Variants in ARL6IP6 observed in about 807,000 individuals in gnomAD.
ARL6IP6 encodes the protein ADP-ribosylation factor-like protein 6-interacting protein 6.
ARL6IP6 carries 22 observed loss-of-function variants against 21.5 expected under a neutral mutation model. The ratio of observed to expected loss-of-function variants is 1.02; its 90% confidence interval spans 0.73 to 1.46. The LOEUF (loss-of-function observed/expected upper bound fraction) is 1.46. ARL6IP6 is among the 40% of genes most tolerant of loss of function. The pLI is 0.00. For synonymous variants in ARL6IP6, 164 were observed against 125.3 expected, an observed-to-expected ratio of 1.31 and a Z score of -2.06; for missense variants, 388 against 299.8, an observed-to-expected ratio of 1.29 and a Z score of -2.17.
At chr2:152,738,196 G>T (rs1227127528) in intron 3 of ARL6IP6, among the ~76,000 whole-genome samples, 4 of 152,222 alleles carry the variant, frequency 2.6e-5, no homozygotes, top group African/African-American at 4.8e-5. Flanking sequence ...GATGAAAGAG[G>T]TGGGTTTCCA....
chr2:152,742,508 C>T (rs970175768), intron 3 of ARL6IP6, among the ~76,000 whole-genome samples: 16 of 147,138 alleles, frequency 1.1e-4, no homozygotes, highest in South Asian at 2.1e-4. Context: ...TTGAAGGCTG[C>T]AGTGAGCTAT....
At chr2:152,729,466 G>A (rs1700200677) in intron 2 of ARL6IP6, among the ~76,000 whole-genome samples, 1 of 152,180 alleles carries the variant, frequency 6.6e-6, no homozygotes, top group Admixed American at 6.5e-5. Flanking sequence ...ACCTTTGGTA[G>A]CAGTTATTCT....
At chr2:152,755,866 G>C (rs1027685923) in intron 3 of ARL6IP6, among the ~76,000 whole-genome samples, 2 of 152,226 alleles carry the variant, frequency 1.3e-5, no homozygotes, top group Non-Finnish European at 2.9e-5. Flanking sequence ...CACCGACCCT[G>C]TGGGGCTGGA....
chr2:152,749,000 G>T (rs1701188109), intron 3 of ARL6IP6, among the ~76,000 whole-genome samples: 1 of 152,112 alleles, frequency 6.6e-6, no homozygotes, highest in South Asian at 2.1e-4. Flanking sequence ...TTTGGAAGTT[G>T]CTTATTCAGT....
chr2:152,728,695 C>T (rs1283859493), intron 2 of ARL6IP6, among the ~76,000 whole-genome samples: 2 of 152,110 alleles, frequency 1.3e-5, no homozygotes, highest in African/African-American at 4.8e-5. Context: ...TAGGAAATTC[C>T]TACCCATCCC....
chr2:152,749,344 C>T (rs898741404), intron 3 of ARL6IP6, among the ~76,000 whole-genome samples: 1 of 151,910 alleles, frequency 6.6e-6, no homozygotes, highest in Non-Finnish European at 1.5e-5. Context: ...CACGCACGCA[C>T]GCGAGAGAGA....
At chr2:152,726,092 A>G (rs552290445) in intron 2 of ARL6IP6, among the ~76,000 whole-genome samples, 8 of 152,226 alleles carry the variant, frequency 5.3e-5, no homozygotes, top group African/African-American at 1.9e-4. Context: ...TGAGTTTTAT[A>G]TACTTCTCTC....
chr2:152,724,103 T>C lies in ARL6IP6; in HGVS notation c.454+3517T>C, dbSNP rs188403518. On this transcript the variant is annotated intron_variant, in intron 2 of 3. Transcript: ENST00000326446. ...TTTGTATTATTCAAGAAATGATGAC[T>C]AAGGCCAAAAAAAAAAAAAAAAAAG... is the stretch of plus-strand genomic sequence containing the variant. Among the ~76,000 whole-genome samples the C allele has an allele frequency of 8.2e-4, 81 of 98,526 alleles. 1 individual carries two copies. The East Asian group carries it at 0.017, about 21-fold the overall frequency. The allele number at this position is 98,526 out of a possible 152,430, so 64.6% of individuals were successfully genotyped here.
At chr2:152,756,627 T>C (rs961736487) in intron 3 of ARL6IP6, among the ~76,000 whole-genome samples, 11 of 151,684 alleles carry the variant, frequency 7.3e-5, no homozygotes, top group African/African-American at 2.7e-4. Flanking sequence ...TAGAAAAAAA[T>C]GAGAAAAAGT....
At chr2:152,749,931 A>G (rs1015400206) in intron 3 of ARL6IP6, among the ~76,000 whole-genome samples, 1 of 152,186 alleles carries the variant, frequency 6.6e-6, no homozygotes, top group African/African-American at 2.4e-5. Context: ...TTATTCTTTC[A>G]TATGGTCAAA....
intron 3 of ARL6IP6, among the ~76,000 whole-genome samples, chr2:152,750,486 AAAAG>A (rs1360834453): frequency 3.3e-5 from 5 of 151,554 alleles, no homozygotes; most frequent in South Asian, 2.1e-4. Context: ...AAAAAAAAAA[AAAAG>A]AGAGAGAGAG....
At chr2:152,724,538 G>C (rs1192287089) in intron 2 of ARL6IP6, among the ~76,000 whole-genome samples, 1 of 152,198 alleles carries the variant, frequency 6.6e-6, no homozygotes, top group African/African-American at 2.4e-5. Context: ...TAAATTATTA[G>C]TCATGAAATT....
intron 2 of ARL6IP6, among the ~76,000 whole-genome samples, chr2:152,732,771 A>G (rs1324454564): frequency 1.3e-5 from 2 of 152,134 alleles, no homozygotes; most frequent in Non-Finnish European, 2.9e-5. Context: ...GTATTTGTAT[A>G]TGACCTATGC....
rs1433129895 is a variant in ARL6IP6 at position 152,762,241 on chromosome 2, G to A, written c.*2401G>A. 6.6e-6 allele frequency among the ~76,000 whole-genome samples: 1 copy of A among 152,186 alleles called. No individual in the cohort carries two copies. Among genetic ancestry groups the A allele is most frequent in the Non-Finnish European group, 1.5e-5 (1 of 68,040 alleles). ...CTGGGAAAATGCAAGCCCAGGAAAT[G>A]CTGGCAGCTGTAGTTCAGCCAGGCT... is the stretch of plus-strand genomic sequence containing the variant. On this transcript the variant is annotated 3_prime_UTR_variant, in exon 4 of 4. Coordinates refer to ENST00000326446, the MANE Select transcript of ARL6IP6 (RefSeq NM_152522.7).
rs571047594 is a variant in ARL6IP6, at chr2:152,740,885, C to G, written c.587+5759C>G. ...GTTGTTTTATAGTCAAAACCCTGCCCTCTAGTGTTTATGGAAAATATGCCG... is the reference window on the plus strand; with the variant it reads ...GTTGTTTTATAGTCAAAACCCTGCCGTCTAGTGTTTATGGAAAATATGCCG... On this transcript the variant is annotated intron_variant, in intron 3 of 3. Coordinates refer to ENST00000326446, the MANE Select transcript of ARL6IP6 (RefSeq NM_152522.7). Among the ~76,000 whole-genome samples the G allele has an allele frequency of 2.6e-5, 4 of 152,122 alleles. No individual in the cohort carries two copies. In the East Asian group the frequency reaches 7.7e-4, roughly 29 times the overall value.
At chr2:152,720,692 A>G (rs750214891) in intron 2 of ARL6IP6, 106 bp downstream of exon 2, 71 of 984,578 alleles carry the variant, frequency 7.2e-5, no homozygotes, top group Non-Finnish European at 1.0e-4. Flanking sequence ...TTCTATGTGC[A>G]GTCATTCAGT....
rs368813573 is a variant in ARL6IP6, at chr2:152,755,912, C to T, written c.588-3835C>T. On this transcript the variant is annotated intron_variant, in intron 3 of 3. Transcript: ENST00000326446. ...GTATATCTTTGGATAATTGTTTATTCAAATCCTTTGCCCTTTTAAAAATTT... is the reference window on the plus strand; with the variant it reads ...GTATATCTTTGGATAATTGTTTATTTAAATCCTTTGCCCTTTTAAAAATTT... Among the ~76,000 whole-genome samples, 16 of 152,310 alleles carry T rather than the reference C, an allele frequency of 1.1e-4. No individual in the cohort carries two copies. The East Asian group carries it at 2.7e-3, about 26-fold the overall frequency.
intron 3 of ARL6IP6, among the ~76,000 whole-genome samples, chr2:152,738,749 G>A (rs1700665016): frequency 1.3e-5 from 2 of 152,088 alleles, no homozygotes; most frequent in South Asian, 2.1e-4. Flanking sequence ...AGAGGCTGCT[G>A]GGAAGACCTC....
chr2:152,718,632 T>G lies in ARL6IP6; in HGVS notation c.8T>G (p.Phe3Cys). 6.5e-7 allele frequency: 1 copy of G among 1,531,024 alleles called. No homozygotes were observed. Among genetic ancestry groups the G allele is most frequent in the South Asian group, 1.3e-5 (1 of 78,634 alleles). 94.8% of individuals were successfully genotyped at this position (1,531,024 alleles called of 1,614,324 possible). A position where few individuals can be genotyped will look rare whatever the true frequency, so the allele number is the denominator to read the frequency against. Reference protein sequence around the residue: MSFAESGWRSALR... With the variant: MSCAESGWRSALR... ...TTCGTTGTGTTTCGCGCCATGTCGTTTGCTGAGAGCGGGTGGCGGTCGGCT... is the reference window on the plus strand; with the variant it reads ...TTCGTTGTGTTTCGCGCCATGTCGTGTGCTGAGAGCGGGTGGCGGTCGGCT... The change falls in exon 1 of 4, where the codon TTT becomes TGT. Residue 3 changes from phenylalanine to cysteine, a missense_variant. Transcript: ENST00000326446.
Sources: gnomAD v4.1 joint callset for allele counts (sites outside exome capture counted in the v4.1 genomes callset) on GRCh38, gnomAD v4.1.1 for gene constraint, MANE v1.5 for transcripts, NCBI Gene and HGNC (gene_info 2026-07-23, HGNC 2026-07-21) for gene names.